The following OR4S2 variants were observed in gnomAD, a reference collection of about 807,000 sequenced individuals.
OR4S2 encodes the protein olfactory receptor family 4 subfamily S member 2.
Under a neutral mutation model 15.1 loss-of-function variants are expected in OR4S2, and 16 were observed. That is an observed-to-expected ratio of 1.06 (90% CI 0.72 to 1.61). OR4S2 has a LOEUF of 1.61. Among genes scored for constraint, OR4S2 ranks in the 40% most tolerant of loss-of-function variants. The probability of loss-of-function intolerance (pLI) is 0.00; values close to 1 mark genes in which losing one functional copy is unlikely to be tolerated. For synonymous variants in OR4S2, 133 were observed against 136.3 expected (o/e 0.98, Z 0.17); for missense variants, 362 against 379.6 (o/e 0.95, Z 0.38).
Position 55,650,436 on chromosome 11 carries a change from C to A in OR4S2, c.-36-432C>A, listed in dbSNP as rs570213493. Among the ~76,000 whole-genome samples the A allele has an allele frequency of 1.8e-3, 251 of 138,648 alleles. 50 individuals carry two copies. Among genetic ancestry groups the A allele is most frequent in the Middle Eastern group, 3.8e-3 (1 of 266 alleles). The allele number at this position is 138,648 out of a possible 152,430, so 91.0% of individuals were successfully genotyped here. On this transcript the variant is annotated intron_variant, in intron 1 of 1. Coordinates refer to ENST00000641692, the MANE Select transcript of OR4S2 (RefSeq NM_001004059.3). ...CAGTATTCAAAAGGTGAAATGTGGG[C>A]GTATGTTTTCACTTATGGGTCAAAA...
At position 55,651,660 on chromosome 11, in the gene OR4S2, ACTTTTATGTACATGCGCCCTGATACG is replaced by A; in HGVS notation, c.758_783del (p.Thr253AsnfsTer6). 6.7e-7 allele frequency: 1 copy of A among 1,492,902 alleles called. No individual in the cohort carries two copies. Among genetic ancestry groups the A allele is most frequent in the East Asian group, 2.6e-5 (1 of 38,754 alleles). The allele number at this position is 1,492,902 out of a possible 1,614,324, so 92.5% of individuals were successfully genotyped here. On this transcript the variant is annotated frameshift_variant, in exon 2 of 2. Coordinates refer to ENST00000641692, the MANE Select transcript of OR4S2 (RefSeq NM_001004059.3). LOFTEE classifies it high-confidence loss of function. ...GGTCGTTATCTTTTTCGGCCCCTGT[ACTTTTATGTACATGCGCCCTGATACG>A]ACCTTTTCAGAGGATAAGATGGTGG...
intron 1 of OR4S2, 90 bp from the exon 2 acceptor site, chr11:55,650,778 T>C: frequency 1.8e-6 from 1 of 541,844 alleles, no homozygotes; most frequent in Admixed American, 3.8e-5. Flanking sequence ...CAATCAGCAT[T>C]TTTTCCTCTT....
At position 55,651,311 on chromosome 11, in the gene OR4S2, G is replaced by C. The variant is rs765933311; in HGVS notation, c.408G>C (p.Arg136=). ...TACATTATATGACCATCATGAACCG[G>C]GAGACATGCAATAAAATGTTATTAG... ...KPLHYMTIMN[R]ETCNKMLLGT... Residue 136 remains arginine (R), a synonymous_variant, in exon 2 of 2, where the codon CGG becomes CGC. Transcript: ENST00000641692. 1.7e-5 allele frequency: 26 copies of C among 1,488,368 alleles called. 5 individuals are homozygous for C. The Middle Eastern group carries it at 5.6e-4, about 32-fold the overall frequency. 92.2% of individuals were successfully genotyped at this position (1,488,368 alleles called of 1,614,324 possible). A position where few individuals can be genotyped will look rare whatever the true frequency, so the allele number is the denominator to read the frequency against.
In OR4S2 at chr11:55,648,821, G is replaced by C. The variant is rs188137123; in HGVS notation, c.-37+271G>C. Among the ~76,000 whole-genome samples, 7 of 137,238 alleles carry C rather than the reference G, an allele frequency of 5.1e-5. 1 individual carries two copies. The highest frequency in any genetic ancestry group is 8.1e-5 in the Non-Finnish European group (5 of 61,816). 90.0% of individuals were successfully genotyped at this position (137,238 alleles called of 152,430 possible). On this transcript the variant is annotated intron_variant, in intron 1 of 1. Coordinates refer to ENST00000641692, the MANE Select transcript of OR4S2 (RefSeq NM_001004059.3). ...CAACATGCCCAGATAAAGGAGGAAG[G>C]CATCCTTGTGATGGATATTGGCTTA...
At chr11:55,649,668 A>G (rs1199575883) in intron 1 of OR4S2, among the ~76,000 whole-genome samples, 2 of 139,150 alleles carry the variant, frequency 1.4e-5, no homozygotes, top group Non-Finnish European at 3.2e-5. Context: ...TCATCCATTT[A>G]GATAAATGTC....
At position 55,649,268 on chromosome 11, in the gene OR4S2, A is replaced by C. The variant is rs1858534847; in HGVS notation, c.-37+718A>C. 1.4e-5 allele frequency among the ~76,000 whole-genome samples: 2 copies of C among 138,540 alleles called. 1 individual carries two copies. The highest frequency in any genetic ancestry group is 1.6e-4 in the Admixed American group (2 of 12,710). The allele number at this position is 138,540 out of a possible 152,430, so 90.9% of individuals were successfully genotyped here. A position where few individuals can be genotyped will look rare whatever the true frequency, so the allele number is the denominator to read the frequency against. ...GGGATGTGCTTGAGACTGTATCTAA[A>C]TCATATTACTATTACTCTTACAATC... On this transcript the variant is annotated intron_variant, in intron 1 of 1. Coordinates refer to ENST00000641692, the MANE Select transcript of OR4S2 (RefSeq NM_001004059.3).
intron 1 of OR4S2, among the ~76,000 whole-genome samples, chr11:55,649,557 A>G (rs1858538456): frequency 7.2e-6 from 1 of 138,516 alleles, no homozygotes; most frequent in African/African-American, 2.5e-5. Flanking sequence ...GATTAGCGAA[A>G]GAATCCTAAA....
rs952139492 is a variant in OR4S2 at position 55,652,318 on chromosome 11, A to T, written c.*479A>T. The T allele has an allele frequency of 7.1e-6, 1 of 140,060 alleles. No homozygotes were observed. Among genetic ancestry groups the T allele is most frequent in the Non-Finnish European group, 1.6e-5 (1 of 63,492 alleles). The allele number at this position is 140,060 out of a possible 1,614,324, so 8.7% of individuals were successfully genotyped here. On this transcript the variant is annotated 3_prime_UTR_variant, in exon 2 of 2. Transcript: ENST00000641692. ...TCACTCATATATTTCCTTCTAAATA[A>T]ACAATCCTCTACCCTGCTGCCTAGG...
chr11:55,651,432 T>G lies in OR4S2; in HGVS notation c.529T>G (p.Cys177Gly). ...CGPNEIDHYF[C>G]DVHPVLKLAC... ...ACCCAATGAGATAGATCACTACTTT[T>G]GTGATGTTCACCCTGTGTTGAAACT... Residue 177 changes from cysteine to glycine, a missense_variant, in exon 2 of 2, where the codon TGT becomes GGT. Coordinates refer to ENST00000641692, the MANE Select transcript of OR4S2 (RefSeq NM_001004059.3). The G allele has an allele frequency of 6.7e-7, 1 of 1,490,760 alleles. No individual in the cohort carries two copies. 92.3% of individuals were successfully genotyped at this position (1,490,760 alleles called of 1,614,324 possible).
chr11:55,649,254 G>A (rs1194913648), intron 1 of OR4S2, among the ~76,000 whole-genome samples: 1 of 138,508 alleles, frequency 7.2e-6, no homozygotes, highest in South Asian at 2.3e-4. Context: ...GGATGTGCTT[G>A]AGACTGTATC....
Position 55,650,274 on chromosome 11 carries a change from G to A in OR4S2, c.-36-594G>A, listed in dbSNP as rs565744519. Among the ~76,000 whole-genome samples the A allele has an allele frequency of 4.0e-4, 55 of 138,500 alleles. 12 individuals are homozygous for A. Among genetic ancestry groups the A allele is most frequent in the African/African-American group, 1.4e-3 (54 of 39,994 alleles). 90.9% of individuals were successfully genotyped at this position (138,500 alleles called of 152,430 possible). On this transcript the variant is annotated intron_variant, in intron 1 of 1. Transcript: ENST00000641692. Reference sequence around the variant, plus strand: ...CACTACATCTTGACTATCAGGGCTCGAGACCACACTGGTGGAGGTGCATAC... The same window carrying A: ...CACTACATCTTGACTATCAGGGCTCAAGACCACACTGGTGGAGGTGCATAC...
rs768267248 is a variant in OR4S2, at chr11:55,651,197, A to G, written c.294A>G (p.Gln98=). ...KTISYVGCML[Q]LFGVHFFGCT... is the part of the protein sequence containing the mutation. Reference sequence around the variant, plus strand: ...TCTCCTATGTGGGGTGCATGTTGCAACTGTTTGGAGTACATTTCTTTGGTT... The same window carrying G: ...TCTCCTATGTGGGGTGCATGTTGCAGCTGTTTGGAGTACATTTCTTTGGTT... The change falls in exon 2 of 2, where the codon CAA becomes CAG. Residue 98 remains glutamine, a synonymous_variant. Transcript: ENST00000641692. The G allele has an allele frequency of 8.1e-6, 12 of 1,486,718 alleles. 3 individuals are homozygous for G. The African/African-American group carries it at 8.3e-5, about 10-fold the overall frequency. The allele number at this position is 1,486,718 out of a possible 1,614,324, so 92.1% of individuals were successfully genotyped here.
Position 55,651,397 on chromosome 11 carries a change from C to G in OR4S2, c.494C>G (p.Pro165Arg). The change falls in exon 2 of 2, where the codon CCC (proline) becomes CGC (arginine). Residue 165 changes from proline (P) to arginine (R), a missense_variant. Transcript: ENST00000641692. ...CAAGTGGCTCTGGTAGTCCAACTAC[C>G]CTTTTGTGGACCCAATGAGATAGAT... ...IIQVALVVQL[P>R]FCGPNEIDHY... 1 of 1,487,902 alleles carries G rather than the reference C, an allele frequency of 6.7e-7. No homozygotes were observed. Among genetic ancestry groups the G allele is most frequent in the Non-Finnish European group, 9.1e-7 (1 of 1,092,982 alleles). 92.2% of individuals were successfully genotyped at this position (1,487,902 alleles called of 1,614,324 possible).
chr11:55,650,834 A>C, intron 1 of OR4S2, 34 bp from the exon 2 acceptor site: 1 of 761,084 alleles, frequency 1.3e-6, no homozygotes, highest in Admixed American at 3.2e-5. Context: ...GAAATAAAAT[A>C]AATACAGTCC....
rs1272973475 is a variant in OR4S2, at chr11:55,648,765, A to G, written c.-37+215A>G. 2.1e-4 allele frequency among the ~76,000 whole-genome samples: 29 copies of G among 137,652 alleles called. 5 individuals carry two copies. The highest frequency in any genetic ancestry group is 3.2e-4 in the Admixed American group (4 of 12,502). The allele number at this position is 137,652 out of a possible 152,430, so 90.3% of individuals were successfully genotyped here. On this transcript the variant is annotated intron_variant, in intron 1 of 1. Transcript: ENST00000641692. ...GATGGACACAAATAAGAAAATGTCA[A>G]TAATTTCAAAGGAAAGTGAGTCATT...
chr11:55,651,169 C>G lies in OR4S2; in HGVS notation c.266C>G (p.Thr89Ser), dbSNP rs150655948. 1.7e-4 allele frequency: 259 copies of G among 1,484,636 alleles called. 45 individuals carry two copies. The highest frequency in any genetic ancestry group is 2.3e-4 in the Non-Finnish European group (255 of 1,089,908). The allele number at this position is 1,484,636 out of a possible 1,614,324, so 92.0% of individuals were successfully genotyped here. Residue 89 changes from threonine (T) to serine (S), a missense_variant, in exon 2 of 2, where the codon ACC becomes AGC. Thr to Ser is a moderately conservative substitution (Grantham distance 58). Transcript: ENST00000641692. ...GTTGACCTGTTAGCAAAGGACAAAA[C>G]CATCTCCTATGTGGGGTGCATGTTG... Reference protein sequence around the residue: ...MIVDLLAKDKTISYVGCMLQL... With the variant: ...MIVDLLAKDKSISYVGCMLQL...
Position 55,651,548 on chromosome 11 carries a change from C to T in OR4S2, c.645C>T (p.Ser215=). 2 of 1,492,930 alleles carry T rather than the reference C, an allele frequency of 1.3e-6. No individual in the cohort carries two copies. Among genetic ancestry groups the T allele is most frequent in the South Asian group, 2.4e-5 (2 of 84,910 alleles). The allele number at this position is 1,492,930 out of a possible 1,614,324, so 92.5% of individuals were successfully genotyped here. The change falls in exon 2 of 2, where the codon TCC becomes TCT. Residue 215 remains serine, a synonymous_variant. Coordinates refer to ENST00000641692, the MANE Select transcript of OR4S2 (RefSeq NM_001004059.3). ...ALGSFVILLI[S]YSIILVSLRK... is the part of the protein sequence containing the mutation. ...GGAGTTTTGTTATCTTGCTAATCTC[C>T]TACAGCATCATCCTAGTTTCCCTGA...
At chr11:55,650,501 T>C (rs1040941293) in intron 1 of OR4S2, among the ~76,000 whole-genome samples, 1 of 138,950 alleles carries the variant, frequency 7.2e-6, no homozygotes, top group Non-Finnish European at 1.6e-5. Flanking sequence ...GTAGATAACA[T>C]AGATGTTACC....
At position 55,650,868 on chromosome 11, in the gene OR4S2, GTAATT is replaced by G. The variant is rs1004112508; in HGVS notation, c.-30_-26del. The stretch of plus-strand genomic sequence containing the variant: ...CCTTTTTATGTTTTCTTTTTTTCAG[GTAATT>G]TAATTGTCTCCTAAGAACTTGACCC... On this transcript the variant is annotated splice_region_variant and 5_prime_UTR_variant, in exon 2 of 2. Transcript: ENST00000641692. 12 of 936,432 alleles carry G rather than the reference GTAATT, an allele frequency of 1.3e-5. 2 individuals are homozygous for G. In the African/African-American group the frequency reaches 1.6e-4, roughly 13 times the overall value. The allele number at this position is 936,432 out of a possible 1,614,324, so 58.0% of individuals were successfully genotyped here. A position where few individuals can be genotyped will look rare whatever the true frequency, so the allele number is the denominator to read the frequency against.
Sources: gnomAD v4.1 joint callset for allele counts (sites outside exome capture counted in the v4.1 genomes callset) on GRCh38, gnomAD v4.1.1 for gene constraint, MANE v1.5 for transcripts, NCBI Gene and HGNC (gene_info 2026-07-23, HGNC 2026-07-21) for gene names.